The following ABI3BP variants were observed in gnomAD, a reference collection of about 807,000 sequenced individuals.
ABI3BP encodes the protein target of Nesh-SH3.
In ABI3BP, 216 loss-of-function variants were observed where a neutral mutation model predicts 268.6. The ratio of observed to expected loss-of-function variants is 0.80; its 90% confidence interval spans 0.72 to 0.90. The LOEUF (loss-of-function observed/expected upper bound fraction) is 0.90. Ranked by LOEUF, ABI3BP falls within the 40% of genes least tolerant of loss-of-function variation. ABI3BP has a pLI of 0.00. For synonymous variants in ABI3BP, 730 were observed against 730.0 expected (o/e 1.00, Z 0.00); for missense variants, 2,090 against 2,182.4 (o/e 0.96, Z 0.84).
Position 100,765,845 on chromosome 3 carries a change from T to C in ABI3BP, c.4846A>G (p.Thr1616Ala), listed in dbSNP as rs762496112. 5.5e-5 allele frequency: 88 copies of C among 1,604,018 alleles called. No homozygotes were observed. The highest frequency in any genetic ancestry group is 3.3e-4 in the Middle Eastern group (2 of 6,070). The change falls in exon 63 of 68, where the codon ACG becomes GCG. Residue 1616 changes from threonine (T) to alanine (A), a missense_variant. By Grantham distance (58) the Thr-to-Ala change is moderately conservative. Transcript: ENST00000471714. Reference sequence around the variant, plus strand: ...GGAATAGCACTGGTGGCTTACCTCGTGTTTGGTTTCAGATTTTCTACTGTG... The same window carrying C: ...GGAATAGCACTGGTGGCTTACCTCGCGTTTGGTTTCAGATTTTCTACTGTG... ...FSTVENLKPN[T>A]SYEFQVKPKN...
At chr3:100,759,516 CTT>C (rs1226363054) in intron 63 of ABI3BP, among the ~76,000 whole-genome samples, 1 of 152,162 alleles carries the variant, frequency 6.6e-6, no homozygotes, top group African/African-American at 2.4e-5. Flanking sequence ...CTAGCTGGCT[CTT>C]ATGCCATAAG....
intron 63 of ABI3BP, among the ~76,000 whole-genome samples, chr3:100,759,408 C>G (rs2095820688): frequency 6.6e-6 from 1 of 152,170 alleles, no homozygotes; most frequent in Non-Finnish European, 1.5e-5. Context: ...TTATGCTGAT[C>G]TGGGAACACA....
intron 38 of ABI3BP, 82 bp from the exon 39 acceptor site, chr3:100,821,195 C>T: frequency 8.4e-7 from 1 of 1,189,344 alleles, no homozygotes. Flanking sequence ...ATGAGTCTTA[C>T]TAGTATAATA....
chr3:100,971,367 A>G (rs1378217845), intron 1 of ABI3BP, among the ~76,000 whole-genome samples: 2 of 152,226 alleles, frequency 1.3e-5, no homozygotes, highest in African/African-American at 2.4e-5. Context: ...TTACATAAGC[A>G]TCGGTAAATA....
Position 100,823,452 on chromosome 3 carries a change from C to T in ABI3BP, c.2803+6G>A, listed in dbSNP as rs183389197. ...AAGCTTGTCGAAAACACTGTATCAACGTTACCTAATGTTGTTGAGGCCTCA... is the reference window on the plus strand; with the variant it reads ...AAGCTTGTCGAAAACACTGTATCAATGTTACCTAATGTTGTTGAGGCCTCA... On this transcript the variant is annotated splice_donor_region_variant and intron_variant, in intron 37 of 67. Coordinates refer to ENST00000471714, the MANE Select transcript of ABI3BP (RefSeq NM_001375547.2). The T allele has an allele frequency of 2.0e-5, 31 of 1,531,854 alleles. No individual in the cohort carries two copies. The highest frequency in any genetic ancestry group is 1.4e-4 in the African/African-American group (10 of 72,960). The allele number at this position is 1,531,854 out of a possible 1,614,324, so 94.9% of individuals were successfully genotyped here.
At chr3:100,833,255 T>C (rs1224895869) in intron 29 of ABI3BP, 98 bp from the exon 30 acceptor site, 6 of 1,138,734 alleles carry the variant, frequency 5.3e-6, no homozygotes, top group South Asian at 1.4e-5. Flanking sequence ...TTTACCATTA[T>C]AGCGTTGGTT....
chr3:100,875,457 A>G (rs760832444), intron 8 of ABI3BP, 51 bp downstream of exon 8: 3 of 1,420,950 alleles, frequency 2.1e-6, no homozygotes, highest in Non-Finnish European at 3.0e-6. Flanking sequence ...CCTATCCTCA[A>G]AAGATAGCCC....
intron 1 of ABI3BP, among the ~76,000 whole-genome samples, chr3:100,931,301 A>G (rs1266777984): frequency 6.6e-6 from 1 of 152,048 alleles, no homozygotes; most frequent in Non-Finnish European, 1.5e-5. Context: ...AGGGATGCCC[A>G]CTCTCACCAT....
Position 100,850,682 on chromosome 3 carries a change from A to G in ABI3BP, c.1404T>C (p.Leu468=). ...DSIPPKTSRT[L]EQPRATLAPS... Reference sequence around the variant, plus strand: ...TACCCAGTGTTGCCCTTGGCTGTTCAAGAGTTCTAGAAGTTTTAGGTGGGA... The same window carrying G: ...TACCCAGTGTTGCCCTTGGCTGTTCGAGAGTTCTAGAAGTTTTAGGTGGGA... Residue 468 remains leucine, a synonymous_variant, in exon 16 of 68, where the codon CTT becomes CTC. Coordinates refer to ENST00000471714, the MANE Select transcript of ABI3BP (RefSeq NM_001375547.2). The G allele has an allele frequency of 2.5e-6, 4 of 1,612,990 alleles. No homozygotes were observed. The highest frequency in any genetic ancestry group is 3.4e-6 in the Non-Finnish European group (4 of 1,179,152).
At chr3:100,869,603 C>T (rs2099090740) in intron 9 of ABI3BP, among the ~76,000 whole-genome samples, 1 of 152,050 alleles carries the variant, frequency 6.6e-6, no homozygotes, top group East Asian at 1.9e-4. Context: ...ATCCTCCTGC[C>T]TCAGCCTCCC....
intron 14 of ABI3BP, among the ~76,000 whole-genome samples, chr3:100,856,804 T>C (rs1347456877): frequency 6.6e-6 from 1 of 152,208 alleles, no homozygotes; most frequent in Non-Finnish European, 1.5e-5. Context: ...TCTTTAGAAG[T>C]CGTGCACACA....
At chr3:100,990,144 C>T (rs1197564098) in intron 1 of ABI3BP, among the ~76,000 whole-genome samples, 4 of 152,258 alleles carry the variant, frequency 2.6e-5, no homozygotes, top group African/African-American at 4.8e-5. Context: ...AAGTTCACAC[C>T]ACCTCATCTC....
intron 2 of ABI3BP, among the ~76,000 whole-genome samples, chr3:100,908,735 CCACTGCT>C (rs1306475739): frequency 1.3e-5 from 2 of 152,130 alleles, no homozygotes; most frequent in African/African-American, 4.8e-5. Context: ...GAACTACAAA[CCACTGCT>C]CAAGGAAATA....
chr3:100,770,116 C>T (rs2096493440), intron 62 of ABI3BP, among the ~76,000 whole-genome samples: 1 of 152,188 alleles, frequency 6.6e-6, no homozygotes, highest in Non-Finnish European at 1.5e-5. Flanking sequence ...TTGCTATATC[C>T]TCTAGCTGAT....
rs2096662744 is a variant in ABI3BP, at chr3:100,775,114, A to G, written c.4462+93T>C. On this transcript the variant is annotated intron_variant, in intron 60 of 67. Coordinates refer to ENST00000471714, the MANE Select transcript of ABI3BP (RefSeq NM_001375547.2). ...ATCATAAAATGGAGTAAAATAGAAGACCTCAAACTGAGACTCACCCATCCC... is the reference window on the plus strand; with the variant it reads ...ATCATAAAATGGAGTAAAATAGAAGGCCTCAAACTGAGACTCACCCATCCC... 7 of 1,419,288 alleles carry G rather than the reference A, an allele frequency of 4.9e-6. No homozygotes were observed. In the East Asian group the frequency reaches 1.2e-4, roughly 24 times the overall value. The allele number at this position is 1,419,288 out of a possible 1,614,324, so 87.9% of individuals were successfully genotyped here. A position where few individuals can be genotyped will look rare whatever the true frequency, so the allele number is the denominator to read the frequency against.
chr3:100,754,060 T>A (rs1459237707), intron 64 of ABI3BP, among the ~76,000 whole-genome samples: 1 of 152,228 alleles, frequency 6.6e-6, no homozygotes, highest in African/African-American at 2.4e-5. Flanking sequence ...CAGCTGTATC[T>A]GTTACATGTA....
chr3:100,853,068 T>G (rs538092238), intron 14 of ABI3BP, among the ~76,000 whole-genome samples: 8 of 152,202 alleles, frequency 5.3e-5, no homozygotes. Flanking sequence ...AGTTTAATGC[T>G]TTTGAGCCAG....
chr3:100,969,976 A>G (rs2153867818), intron 1 of ABI3BP, among the ~76,000 whole-genome samples: 1 of 152,302 alleles, frequency 6.6e-6, no homozygotes, highest in African/African-American at 2.4e-5. Context: ...TTCATGTTAC[A>G]TAGGAGTTAC....
intron 63 of ABI3BP, 74 bp from the exon 64 acceptor site, chr3:100,754,765 G>A (rs1289612980): frequency 2.5e-5 from 30 of 1,187,808 alleles, no homozygotes; most frequent in Non-Finnish European, 3.3e-5. Context: ...CCTATTATAC[G>A]GACATCCACT....
Sources: allele counts gnomAD v4.1 joint callset (sites outside exome capture counted in the v4.1 genomes callset), GRCh38; gene constraint gnomAD v4.1.1; transcripts MANE v1.5; gene names NCBI Gene and HGNC (gene_info 2026-07-23, HGNC 2026-07-21).